The following ELAVL2 variants were observed in gnomAD, a reference collection of about 807,000 sequenced individuals.
ELAVL2 encodes the protein ELAV like RNA binding protein 2, also known as ELAV-like protein 2.
ELAVL2 carries 4 observed loss-of-function variants against 34.6 expected under a neutral mutation model. The observed-to-expected ratio is 0.12, with a 90% CI of 0.06 to 0.26. The LOEUF is 0.26. Among genes scored for constraint, ELAVL2 ranks in the 10% least tolerant of loss-of-function variants. The pLI is 1.00. For missense variants in ELAVL2, 432 were observed against 442.8 expected, an observed-to-expected ratio of 0.98 and a Z score of 0.22; for synonymous variants, 193 against 154.8, an observed-to-expected ratio of 1.25 and a Z score of -1.83.
the ELAVL2 span, among the ~76,000 whole-genome samples, chr9:23,838,208 T>G: frequency 1.3e-5 from 2 of 152,100 alleles, no homozygotes; most frequent in Non-Finnish European, 2.9e-5. Flanking sequence ...ATAGTTACTT[T>G]TTTTTTTACA....
chr9:23,719,409 G>C (rs1043400884), intron 3 of ELAVL2, among the ~76,000 whole-genome samples: 18 of 152,138 alleles, frequency 1.2e-4, no homozygotes, highest in Non-Finnish European at 7.4e-5. Context: ...TGTGCACCAG[G>C]ATATACATAT....
At chr9:23,780,615 G>A (rs960746548) in intron 1 of ELAVL2, among the ~76,000 whole-genome samples, 1 of 152,046 alleles carries the variant, frequency 6.6e-6, no homozygotes, top group Non-Finnish European at 1.5e-5. Context: ...TTCATTAATG[G>A]TCAAGGTTAA....
At chr9:23,726,525 C>T (rs764793324) in intron 3 of ELAVL2, among the ~76,000 whole-genome samples, 4 of 152,030 alleles carry the variant, frequency 2.6e-5, no homozygotes, top group Non-Finnish European at 4.4e-5. Context: ...GAGATAACAG[C>T]TCCTTCTTTC....
intron 1 of ELAVL2, among the ~76,000 whole-genome samples, chr9:23,763,719 G>A (rs1325416587): frequency 2.0e-5 from 3 of 152,124 alleles, no homozygotes; most frequent in Non-Finnish European, 4.4e-5. Flanking sequence ...AGAAGGCAGT[G>A]TTGGACATAT....
chr9:23,826,885 C>A (rs905967516), upstream of ELAVL2, among the ~76,000 whole-genome samples: 2 of 152,096 alleles, frequency 1.3e-5, no homozygotes, highest in Non-Finnish European at 2.9e-5. Flanking sequence ...AATTGTATGT[C>A]TTTATTTTAA....
intron 3 of ELAVL2, among the ~76,000 whole-genome samples, chr9:23,725,808 G>A (rs1209799224): frequency 6.6e-6 from 1 of 152,114 alleles, no homozygotes; most frequent in South Asian, 2.1e-4. Context: ...CAATAAACAT[G>A]AATTTGTTTA....
At chr9:23,700,056 T>C (rs2133079925) in intron 5 of ELAVL2, among the ~76,000 whole-genome samples, 1 of 152,150 alleles carries the variant, frequency 6.6e-6, no homozygotes, top group Middle Eastern at 3.4e-3. Context: ...ATCTCCACTC[T>C]CTTCAGCACT....
intron 1 of ELAVL2, among the ~76,000 whole-genome samples, chr9:23,776,739 C>CAAAAA (rs34583759): frequency 2.2e-4 from 17 of 77,538 alleles, no homozygotes; most frequent in Admixed American, 3.9e-4. Flanking sequence ...AGTTTGCTAT[C>CAAAAA]AAAAAAAAAA....
chr9:23,788,310 G>A (rs1386325410), intron 1 of ELAVL2, among the ~76,000 whole-genome samples: 2 of 152,118 alleles, frequency 1.3e-5, no homozygotes, highest in African/African-American at 2.4e-5. Context: ...GCCATCCTAA[G>A]TCTTGATTTC....
intron 1 of ELAVL2, among the ~76,000 whole-genome samples, chr9:23,819,111 G>C (rs2064153007): frequency 6.6e-6 from 1 of 152,160 alleles, no homozygotes; most frequent in Non-Finnish European, 1.5e-5. Context: ...TAAAAGATAA[G>C]CAGGGAAGGC....
chr9:23,757,011 C>G (rs1183940605), intron 2 of ELAVL2, among the ~76,000 whole-genome samples: 1 of 152,056 alleles, frequency 6.6e-6, no homozygotes, highest in African/African-American at 2.4e-5. Flanking sequence ...TTTTGGGCTT[C>G]AAGATCACCT....
chr9:23,702,567 T>A (rs1343642800), intron 4 of ELAVL2, among the ~76,000 whole-genome samples: 1 of 150,594 alleles, frequency 6.6e-6, no homozygotes, highest in African/African-American at 2.4e-5. Context: ...CACTGGACCA[T>A]CATACTTGGA....
chr9:23,829,367 A>G (rs535485746), upstream of ELAVL2, among the ~76,000 whole-genome samples: 2 of 152,374 alleles, frequency 1.3e-5, no homozygotes, highest in Admixed American at 1.3e-4. Context: ...CCCTTACACT[A>G]GAGGTCCTGG....
chr9:23,715,516 G>T (rs373154346), intron 3 of ELAVL2, among the ~76,000 whole-genome samples: 5 of 152,290 alleles, frequency 3.3e-5, no homozygotes, highest in Admixed American at 6.5e-5. Flanking sequence ...AAATAACTTG[G>T]CTTTTGCTGC....
chr9:23,799,435 T>C (rs950520977), intron 1 of ELAVL2, among the ~76,000 whole-genome samples: 1 of 152,216 alleles, frequency 6.6e-6, no homozygotes, highest in Admixed American at 6.5e-5. Flanking sequence ...AGAACCTAGA[T>C]GTCCCTCCAT....
chr9:23,791,819 G>A (rs2060357722), intron 1 of ELAVL2, among the ~76,000 whole-genome samples: 1 of 152,146 alleles, frequency 6.6e-6, no homozygotes, highest in South Asian at 2.1e-4. Context: ...CCAGAACCAT[G>A]AGAAAATAAA....
chr9:23,714,362 C>G (rs1230381656), intron 3 of ELAVL2, among the ~76,000 whole-genome samples: 1 of 152,172 alleles, frequency 6.6e-6, no homozygotes, highest in Non-Finnish European at 1.5e-5. Flanking sequence ...AGGCTTCTTC[C>G]AAATCCATGG....
chr9:23,766,581 C>G (rs2056304638), intron 1 of ELAVL2, among the ~76,000 whole-genome samples: 1 of 151,946 alleles, frequency 6.6e-6, no homozygotes, highest in Admixed American at 6.6e-5. Context: ...TCTGAAAGCC[C>G]CAGGGAGGTG....
intron 3 of ELAVL2, among the ~76,000 whole-genome samples, chr9:23,709,085 G>A (rs1587481662): frequency 2.0e-5 from 3 of 151,836 alleles, no homozygotes; most frequent in African/African-American, 4.8e-5. Context: ...TGCCATTTTC[G>A]TTCACTTTCA....
Sources: gnomAD v4.1 joint callset for allele counts (sites outside exome capture counted in the v4.1 genomes callset) on GRCh38, gnomAD v4.1.1 for gene constraint, MANE v1.5 for transcripts, NCBI Gene and HGNC (gene_info 2026-07-23, HGNC 2026-07-21) for gene names.